The following EXOC6B variants were observed in gnomAD, a reference collection of about 807,000 sequenced individuals.
EXOC6B encodes SEC15 homolog B.
Under a neutral mutation model 113.5 loss-of-function variants are expected in EXOC6B, and 54 were observed. The observed-to-expected ratio is 0.48, with a 90% CI of 0.38 to 0.60. EXOC6B has a LOEUF of 0.60. Ranked by LOEUF, EXOC6B falls within the 20% of genes least tolerant of loss-of-function variation. The pLI, the probability that EXOC6B is intolerant of heterozygous loss-of-function variation, is 0.00. For missense variants in EXOC6B, 797 were observed against 977.5 expected (o/e 0.82, Z 2.46); for synonymous variants, 357 against 339.0 (o/e 1.05, Z -0.58).
chr2:72,345,524 G>A (rs1689276665), intron 19 of EXOC6B, among the ~76,000 whole-genome samples: 3 of 152,120 alleles, frequency 2.0e-5, no homozygotes, highest in East Asian at 1.9e-4. Context: ...ATCAAGCTAT[G>A]AAAAAACACA....
At chr2:72,261,192 C>A (rs1188813198) in intron 20 of EXOC6B, among the ~76,000 whole-genome samples, 1 of 152,000 alleles carries the variant, frequency 6.6e-6, no homozygotes, top group African/African-American at 2.4e-5. Context: ...ATACAAAAAT[C>A]ACTAAGAAGA....
At chr2:72,455,522 T>C (rs1697174842) in intron 18 of EXOC6B, among the ~76,000 whole-genome samples, 1 of 151,938 alleles carries the variant, frequency 6.6e-6, no homozygotes, top group Non-Finnish European at 1.5e-5. Flanking sequence ...AGTTTAGAGG[T>C]ATTATATAGC....
In EXOC6B at chr2:72,645,605, C is replaced by T. The variant is rs565377342; in HGVS notation, c.670-69937G>A. 1.5e-3 allele frequency among the ~76,000 whole-genome samples: 223 copies of T among 152,172 alleles called. 1 individual carries two copies. Among genetic ancestry groups the T allele is most frequent in the South Asian group, 6.4e-3 (31 of 4,812 alleles). On this transcript the variant is annotated intron_variant, in intron 6 of 21. Transcript: ENST00000272427. ...AAAAAAACTGTCTTTCAGACCACAG[C>T]GCAATCAAATTACAACTCAGAATTA...
rs1046475238 is a variant in EXOC6B at position 72,176,142 on chromosome 2, G to A, written c.*3193C>T. ...TTACAAGTAAGTTTTAGAGAAAAAA[G>A]TTCCCTTTAGAGTTAAAAATGGACT... On this transcript the variant is annotated 3_prime_UTR_variant, in exon 22 of 22. Coordinates refer to ENST00000272427, the MANE Select transcript of EXOC6B (RefSeq NM_015189.3). The A allele has an allele frequency of 2.0e-5, 3 of 151,674 alleles. No individual in the cohort carries two copies. Among genetic ancestry groups the A allele is most frequent in the African/African-American group, 7.3e-5 (3 of 41,270 alleles). 9.4% of individuals were successfully genotyped at this position (151,674 alleles called of 1,614,324 possible).
rs1019453261 is a variant in EXOC6B at position 72,332,491 on chromosome 2, C to G, written c.2196+2456G>C. On this transcript the variant is annotated intron_variant, in intron 20 of 21. Coordinates refer to ENST00000272427, the MANE Select transcript of EXOC6B (RefSeq NM_015189.3). ...AATGATGAGTAGGAAGCCCATTCCT[C>G]TAATTGGGGATGCCCAAATAAAAAT... Among the ~76,000 whole-genome samples the G allele has an allele frequency of 3.1e-4, 47 of 152,018 alleles. 1 individual carries two copies. Among genetic ancestry groups the G allele is most frequent in the Non-Finnish European group, 7.4e-5 (5 of 67,966 alleles).
intron 6 of EXOC6B, among the ~76,000 whole-genome samples, chr2:72,582,795 A>T (rs1705307729): frequency 6.6e-6 from 1 of 152,172 alleles, no homozygotes; most frequent in African/African-American, 2.4e-5. Context: ...TTTAAAATTT[A>T]GGGTTGGGGA....
At chr2:72,180,546 G>T (rs1012269175) in intron 21 of EXOC6B, among the ~76,000 whole-genome samples, 2 of 152,204 alleles carry the variant, frequency 1.3e-5, no homozygotes, top group Non-Finnish European at 2.9e-5. Context: ...GATAGGGGCA[G>T]GCCAGTCTTC....
At chr2:72,217,128 A>G (rs1680591739) in intron 20 of EXOC6B, among the ~76,000 whole-genome samples, 1 of 151,812 alleles carries the variant, frequency 6.6e-6, no homozygotes, top group African/African-American at 2.4e-5. Context: ...CAATTTTGTG[A>G]ACTAAAGGTT....
intron 20 of EXOC6B, among the ~76,000 whole-genome samples, chr2:72,325,267 T>A (rs1360212100): frequency 6.6e-6 from 1 of 152,078 alleles, no homozygotes; most frequent in Non-Finnish European, 1.5e-5. Context: ...AAAGAAATGA[T>A]CCTGGCGAAT....
intron 20 of EXOC6B, among the ~76,000 whole-genome samples, chr2:72,224,161 G>A (rs1458739590): frequency 6.6e-6 from 1 of 151,972 alleles, no homozygotes; most frequent in African/African-American, 2.4e-5. Context: ...AGTAATCAGG[G>A]AAATAGGCAA....
intron 20 of EXOC6B, among the ~76,000 whole-genome samples, chr2:72,257,261 A>C (rs1217469095): frequency 6.6e-6 from 1 of 152,234 alleles, no homozygotes; most frequent in Non-Finnish European, 1.5e-5. Context: ...AGCTTAAAAA[A>C]AAACCATATC....
chr2:72,627,198 G>A (rs1236639069), intron 6 of EXOC6B, among the ~76,000 whole-genome samples: 3 of 152,156 alleles, frequency 2.0e-5, no homozygotes. Context: ...TTCTTTAGCT[G>A]TTCTGACTGC....
In EXOC6B at chr2:72,177,970, G is replaced by A. The variant is rs976465796; in HGVS notation, c.*1365C>T. On this transcript the variant is annotated 3_prime_UTR_variant, in exon 22 of 22. Coordinates refer to ENST00000272427, the MANE Select transcript of EXOC6B (RefSeq NM_015189.3). ...ACTGACCTCATAGCAAAGCCCTTGC[G>A]TTAAGTCTCAGGAGTCCATCTGGGT... The A allele has an allele frequency of 3.3e-5, 5 of 152,176 alleles. No homozygotes were observed. Among genetic ancestry groups the A allele is most frequent in the Admixed American group, 2.0e-4 (3 of 15,274 alleles). 9.4% of individuals were successfully genotyped at this position (152,176 alleles called of 1,614,324 possible).
At chr2:72,569,194 T>C (rs764321617) in intron 7 of EXOC6B, among the ~76,000 whole-genome samples, 19 of 152,146 alleles carry the variant, frequency 1.2e-4, no homozygotes, top group Non-Finnish European at 2.4e-4. Context: ...ATTAAGAAGT[T>C]AAAATTCAAA....
At chr2:72,516,086 G>C (rs1353356898) in intron 8 of EXOC6B, among the ~76,000 whole-genome samples, 2 of 152,096 alleles carry the variant, frequency 1.3e-5, no homozygotes, top group African/African-American at 4.8e-5. Context: ...ATCATGCCTT[G>C]AGTTTGGAAT....
intron 1 of EXOC6B, among the ~76,000 whole-genome samples, chr2:72,819,720 C>G (rs2105167359): frequency 6.6e-6 from 1 of 152,138 alleles, no homozygotes; most frequent in African/African-American, 2.4e-5. Context: ...CTAGCAGGTA[C>G]CATGGCACCC....
intron 19 of EXOC6B, among the ~76,000 whole-genome samples, chr2:72,368,419 A>G (rs943461645): frequency 2.6e-5 from 4 of 152,024 alleles, no homozygotes; most frequent in Non-Finnish European, 5.9e-5. Flanking sequence ...ATTCACAGCC[A>G]AATTCTACCA....
chr2:72,328,553 C>G (rs567253144), intron 20 of EXOC6B, among the ~76,000 whole-genome samples: 13 of 152,250 alleles, frequency 8.5e-5, no homozygotes, highest in Admixed American at 2.0e-4. Flanking sequence ...ATTGTATCTA[C>G]TACCTGGGCT....
At chr2:72,731,553 A>G (rs936496699) in intron 3 of EXOC6B, among the ~76,000 whole-genome samples, 2 of 152,214 alleles carry the variant, frequency 1.3e-5, no homozygotes, top group Admixed American at 6.5e-5. Flanking sequence ...AAACCCACAC[A>G]CTTAAAAGAT....
Sources: gnomAD v4.1 joint callset for allele counts (sites outside exome capture counted in the v4.1 genomes callset) on GRCh38, gnomAD v4.1.1 for gene constraint, MANE v1.5 for transcripts, NCBI Gene and HGNC (gene_info 2026-07-23, HGNC 2026-07-21) for gene names.